The following TMX4 variants were observed in gnomAD, a reference collection of about 807,000 sequenced individuals.
TMX4 encodes thioredoxin related transmembrane protein 4, also known as thioredoxin-related transmembrane protein 4.
In TMX4, 23 loss-of-function variants were observed where a neutral mutation model predicts 33.3. The observed-to-expected ratio is 0.69, with a 90% CI of 0.50 to 0.98. TMX4 has a LOEUF of 0.98. Ranked by LOEUF, TMX4 falls within the 50% of genes least tolerant of loss-of-function variation. TMX4 has a pLI of 0.00. For synonymous variants in TMX4, 164 were observed against 161.5 expected (o/e 1.02, Z -0.12); for missense variants, 399 against 448.9 (o/e 0.89, Z 1.01).
intron 7 of TMX4, 43 bp from the exon 8 acceptor site, chr20:7,982,664 G>T: frequency 1.3e-6 from 2 of 1,543,354 alleles, no homozygotes; most frequent in Non-Finnish European, 1.7e-6. Flanking sequence ...ATAAACAATG[G>T]TAATTCGGTA....
intron 5 of TMX4, 21 bp downstream of exon 5, chr20:7,996,005 G>A (rs200754451): frequency 3.4e-5 from 54 of 1,579,530 alleles, no homozygotes; most frequent in South Asian, 2.4e-4. Flanking sequence ...AAATATAAAC[G>A]TTTTATTTAA....
In TMX4 at chr20:7,987,393, G is replaced by A; in HGVS notation, c.514-4C>T. On this transcript the variant is annotated splice_polypyrimidine_tract_variant and splice_region_variant and intron_variant, in intron 5 of 7. Transcript: ENST00000246024. ...CTGTGAAATAGTTGTGAAGATGCTGGAATCAGAAGAAAAAAAATAAAACAT... is the reference window on the plus strand; with the variant it reads ...CTGTGAAATAGTTGTGAAGATGCTGAAATCAGAAGAAAAAAAATAAAACAT... 1 of 1,557,076 alleles carries A rather than the reference G, an allele frequency of 6.4e-7. No homozygotes were observed. The highest frequency in any genetic ancestry group is 2.3e-5 in the East Asian group (1 of 43,238).
chr20:7,982,616 T>C lies in TMX4; in HGVS notation c.685A>G (p.Asn229Asp), dbSNP rs1229523973. 2.5e-6 allele frequency: 4 copies of C among 1,610,726 alleles called. No homozygotes were observed. The highest frequency in any genetic ancestry group is 3.4e-6 in the Non-Finnish European group (4 of 1,179,224). ...PRHLSERSEQ[N>D]RRSEEAHRAE... ...CTATGAGCCTCCTCTGATCTCCGATTCTGCTCTATGGAGGGAAGAAAGAGG... is the reference window on the plus strand; with the variant it reads ...CTATGAGCCTCCTCTGATCTCCGATCCTGCTCTATGGAGGGAAGAAAGAGG... Residue 229 changes from asparagine (N) to aspartate (D), a missense_variant, in exon 8 of 8, where the codon AAT becomes GAT. Coordinates refer to ENST00000246024, the MANE Select transcript of TMX4 (RefSeq NM_021156.4).
intron 1 of TMX4, among the ~76,000 whole-genome samples, chr20:8,018,542 C>G (rs1220831249): frequency 8.2e-6 from 1 of 122,256 alleles, no homozygotes. Context: ...GCAAGCCCAC[C>G]ATGATGGTCT....
rs1009671469 is a variant in TMX4 at position 7,981,399 on chromosome 20, A to C, written c.*852T>G. ...TGCTTAGAAAACTTAAAAAAAAATC[A>C]ACAACAACTATATTTTGGACAAAAC... On this transcript the variant is annotated 3_prime_UTR_variant, in exon 8 of 8. Coordinates refer to ENST00000246024, the MANE Select transcript of TMX4 (RefSeq NM_021156.4). 4.6e-5 allele frequency: 7 copies of C among 152,172 alleles called. No individual in the cohort carries two copies. Among genetic ancestry groups the C allele is most frequent in the Non-Finnish European group, 1.0e-4 (7 of 68,034 alleles). The allele number at this position is 152,172 out of a possible 1,614,324, so 9.4% of individuals were successfully genotyped here.
At chr20:8,001,761 G>A (rs910050310) in intron 2 of TMX4, among the ~76,000 whole-genome samples, 1 of 152,154 alleles carries the variant, frequency 6.6e-6, no homozygotes, top group Non-Finnish European at 1.5e-5. Flanking sequence ...TAAGGAGGCT[G>A]AAAGGATAGG....
In TMX4 at chr20:7,982,205, C is replaced by A. The variant is rs2050609131; in HGVS notation, c.*46G>T. On this transcript the variant is annotated 3_prime_UTR_variant, in exon 8 of 8. Coordinates refer to ENST00000246024, the MANE Select transcript of TMX4 (RefSeq NM_021156.4). Reference sequence around the variant, plus strand: ...GTACAAACTGCAGGCCAAAGGGAAGCTGACATATTGTTTTGGTGTGTATTC... The same window carrying A: ...GTACAAACTGCAGGCCAAAGGGAAGATGACATATTGTTTTGGTGTGTATTC... 4 of 1,561,432 alleles carry A rather than the reference C, an allele frequency of 2.6e-6. No homozygotes were observed. Among genetic ancestry groups the A allele is most frequent in the Non-Finnish European group, 3.5e-6 (4 of 1,151,890 alleles).
chr20:7,995,931 T>G, intron 5 of TMX4, 95 bp downstream of exon 5: 1 of 1,051,316 alleles, frequency 9.5e-7, no homozygotes, highest in Non-Finnish European at 1.4e-6. Context: ...AAATTATAAA[T>G]GTACTTATAA....
intron 2 of TMX4, among the ~76,000 whole-genome samples, chr20:8,006,063 G>T (rs1178345933): frequency 6.6e-6 from 1 of 152,158 alleles, no homozygotes; most frequent in African/African-American, 2.4e-5. Context: ...TAAACTGAAA[G>T]AGCACACGGT....
At chr20:7,992,338 T>G (rs2050658632) in intron 5 of TMX4, among the ~76,000 whole-genome samples, 2 of 152,186 alleles carry the variant, frequency 1.3e-5, no homozygotes, top group Non-Finnish European at 2.9e-5. Context: ...ATGAGGTAAT[T>G]ACTTCTGTGA....
intron 2 of TMX4, among the ~76,000 whole-genome samples, chr20:8,004,392 T>G (rs1190899824): frequency 6.6e-6 from 1 of 152,174 alleles, no homozygotes; most frequent in Non-Finnish European, 1.5e-5. Flanking sequence ...CTCAGGATAA[T>G]AGTTCAGTGC....
intron 1 of TMX4, among the ~76,000 whole-genome samples, chr20:8,014,621 G>A (rs965607497): frequency 6.6e-6 from 1 of 152,196 alleles, no homozygotes; most frequent in African/African-American, 2.4e-5. Flanking sequence ...GGTTGTGATA[G>A]GACCATGCAA....
intron 6 of TMX4, among the ~76,000 whole-genome samples, chr20:7,986,357 T>C (rs6140484): frequency 0.15 from 22,481 of 152,132 alleles, 2,597 homozygotes; most frequent in East Asian, 0.53. Context: ...CCTTGGCCTC[T>C]TGGGGTTGTG....
intron 2 of TMX4, among the ~76,000 whole-genome samples, chr20:8,007,014 G>C (rs889979311): frequency 6.6e-6 from 1 of 152,042 alleles, no homozygotes; most frequent in Non-Finnish European, 1.5e-5. Context: ...TGATCCGCTC[G>C]CCTCGGCCTC....
In TMX4 at chr20:7,982,598, C is replaced by A. The variant is rs1313549423; in HGVS notation, c.703G>T (p.Ala235Ser). 4.3e-6 allele frequency: 7 copies of A among 1,612,712 alleles called. No homozygotes were observed. The South Asian group carries it at 6.6e-5, about 15-fold the overall frequency. Residue 235 changes from alanine (A) to serine (S), a missense_variant, in exon 8 of 8, where the codon GCT (alanine) becomes TCT (serine). Coordinates refer to ENST00000246024, the MANE Select transcript of TMX4 (RefSeq NM_021156.4). ...TCCTGCAACTGTTCAGCTCTATGAG[C>A]CTCCTCTGATCTCCGATTCTGCTCT... is the stretch of plus-strand genomic sequence containing the variant. ...RSEQNRRSEE[A>S]HRAEQLQDAE...
intron 1 of TMX4, among the ~76,000 whole-genome samples, chr20:8,016,952 A>G (rs1343984807): frequency 6.6e-6 from 1 of 151,682 alleles, no homozygotes; most frequent in African/African-American, 2.4e-5. Flanking sequence ...AGATGAAGCT[A>G]ATTTTAATGC....
intron 4 of TMX4, among the ~76,000 whole-genome samples, chr20:7,998,915 T>C (rs1301467642): frequency 1.3e-5 from 2 of 152,206 alleles, no homozygotes; most frequent in African/African-American, 4.8e-5. Context: ...ATCCCAACTA[T>C]GATTCTCTGT....
intron 6 of TMX4, among the ~76,000 whole-genome samples, chr20:7,986,209 C>T (rs149703975): frequency 1.1e-3 from 165 of 152,238 alleles, no homozygotes; most frequent in African/African-American, 3.5e-3. Context: ...ACAGAACATA[C>T]CCAGGACCTA....
intron 6 of TMX4, among the ~76,000 whole-genome samples, chr20:7,984,728 T>C (rs1166443470): frequency 6.6e-6 from 1 of 152,184 alleles, no homozygotes; most frequent in Non-Finnish European, 1.5e-5. Context: ...ATCAGTGTAA[T>C]TACCATATCC....
Sources: allele counts gnomAD v4.1 joint callset (sites outside exome capture counted in the v4.1 genomes callset), GRCh38; gene constraint gnomAD v4.1.1; transcripts MANE v1.5; gene names NCBI Gene and HGNC (gene_info 2026-07-23, HGNC 2026-07-21).